CLTCL1: variants seen among roughly 807,000 people sequenced by gnomAD.
CLTCL1 encodes clathrin heavy chain like 1.
CLTCL1 carries 159 observed loss-of-function variants against 190.0 expected under a neutral mutation model. The observed-to-expected ratio is 0.84, with a 90% CI of 0.74 to 0.95. CLTCL1 has a LOEUF of 0.95. CLTCL1 is among the 40% of genes least tolerant of loss of function. The probability of loss-of-function intolerance (pLI) is 0.00; values close to 1 mark genes in which losing one functional copy is unlikely to be tolerated. For missense variants in CLTCL1, 1,878 were observed against 2,033.4 expected (o/e 0.92, Z 1.47); for synonymous variants, 752 against 769.6 (o/e 0.98, Z 0.38).
intron 27 of CLTCL1, among the ~76,000 whole-genome samples, chr22:19,190,931 C>T (rs545510123): frequency 9.4e-4 from 143 of 152,248 alleles, no homozygotes; most frequent in Non-Finnish European, 1.7e-3. Context: ...GTGCCCACCA[C>T]CACGCCCAGC....
intron 26 of CLTCL1, among the ~76,000 whole-genome samples, chr22:19,192,407 T>C (rs1009226270): frequency 2.6e-5 from 4 of 152,154 alleles, no homozygotes; most frequent in African/African-American, 9.7e-5. Context: ...GGCATCGATG[T>C]CCAGGGCCTG....
At position 19,179,818 on chromosome 22, in the gene CLTCL1, A is replaced by T; in HGVS notation, c.*172T>A. 1 of 268,348 alleles carries T rather than the reference A, an allele frequency of 3.7e-6. No homozygotes were observed. The highest frequency in any genetic ancestry group is 4.9e-5 in the Admixed American group (1 of 20,360). The allele number at this position is 268,348 out of a possible 1,614,324, so 16.6% of individuals were successfully genotyped here. ...TTGCGTCCCCTGTGCTGCTGGAGTG[A>T]CATGCTCCTTGGAGAAGTTAGTAAC... On this transcript the variant is annotated 3_prime_UTR_variant, in exon 33 of 33. Coordinates refer to ENST00000427926, the MANE Select transcript of CLTCL1 (RefSeq NM_007098.4).
intron 27 of CLTCL1, 140 bp downstream of exon 27, chr22:19,191,164 T>G: frequency 1.0e-6 from 1 of 955,156 alleles, no homozygotes; most frequent in Non-Finnish European, 1.6e-6. Flanking sequence ...ATCTGAAACC[T>G]AAAACACTTT....
chr22:19,236,638 T>G (rs948353824), intron 5 of CLTCL1, among the ~76,000 whole-genome samples: 1 of 152,106 alleles, frequency 6.6e-6, no homozygotes, highest in African/African-American at 2.4e-5. Context: ...TGAAAGAGAA[T>G]GAATCATATA....
intron 2 of CLTCL1, among the ~76,000 whole-genome samples, chr22:19,255,058 CTT>C (rs1830942376): frequency 6.6e-6 from 1 of 152,136 alleles, no homozygotes; most frequent in African/African-American, 2.4e-5. Context: ...TCTCTGACCA[CTT>C]GTTTTGATAC....
chr22:19,196,246 C>G lies in CLTCL1; in HGVS notation c.4191+20G>C. 6.2e-7 allele frequency: 1 copy of G among 1,607,884 alleles called. No individual in the cohort carries two copies. The highest frequency in any genetic ancestry group is 1.1e-5 in the South Asian group (1 of 90,788). On this transcript the variant is annotated intron_variant, in intron 26 of 32. Transcript: ENST00000427926. Reference sequence around the variant, plus strand: ...CCTGGCAGAGGCTGGCAGGAGCCAGCGCTCTGTATCCCCTCTTACCTTGGT... The same window carrying G: ...CCTGGCAGAGGCTGGCAGGAGCCAGGGCTCTGTATCCCCTCTTACCTTGGT...
At chr22:19,252,987 T>C (rs1034672967) in intron 3 of CLTCL1, among the ~76,000 whole-genome samples, 6 of 147,418 alleles carry the variant, frequency 4.1e-5, no homozygotes, top group Non-Finnish European at 3.0e-5. Flanking sequence ...GCACTCCAGC[T>C]TGGGTGACAG....
chr22:19,243,866 T>G (rs2086337879), intron 3 of CLTCL1, among the ~76,000 whole-genome samples: 1 of 151,602 alleles, frequency 6.6e-6, no homozygotes, highest in African/African-American at 2.4e-5. Context: ...CCTGGCTAAT[T>G]TTTTGTATTT....
In CLTCL1 at chr22:19,223,938, G is replaced by A. The variant is rs782233393; in HGVS notation, c.2245C>T (p.Arg749Ter). The A allele has an allele frequency of 1.4e-5, 22 of 1,613,756 alleles. No homozygotes were observed. Among genetic ancestry groups the A allele is most frequent in the East Asian group, 2.2e-5 (1 of 44,882 alleles). ...TCTGGGTTGTAGCAGCTGCTCTCTC[G>A]GCATATCCTCTCCACCTCCTTGATC... ...GQIKEVERIC[R>*]ESSCYNPERV... Residue 749 changes from arginine to a stop codon, truncating the protein, a stop_gained, in exon 14 of 33, where the codon CGA becomes TGA. Transcript: ENST00000427926. LOFTEE classifies it high-confidence loss of function.
At chr22:19,195,994 G>C (rs2084689062) in intron 26 of CLTCL1, among the ~76,000 whole-genome samples, 1 of 152,226 alleles carries the variant, frequency 6.6e-6, no homozygotes, top group Non-Finnish European at 1.5e-5. Context: ...GGGCAGGCAG[G>C]GCCACAGGGC....
chr22:19,226,249 A>T lies in CLTCL1; in HGVS notation c.1917T>A (p.Ala639=), dbSNP rs781957930. The T allele has an allele frequency of 6.2e-7, 1 of 1,613,978 alleles. No individual in the cohort carries two copies. Among genetic ancestry groups the T allele is most frequent in the Non-Finnish European group, 8.5e-7 (1 of 1,179,856 alleles). The change falls in exon 12 of 33, where the codon GCT becomes GCA. Residue 639 remains alanine (A), a synonymous_variant. Transcript: ENST00000427926. ...HYTDLYDIKR[A]VVHTHLLNPE... ...GATTGAGGAGGTGAGTGTGGACCAC[A>T]GCCCTCTTGATGTCATAGAGGTCGG...
intron 4 of CLTCL1, among the ~76,000 whole-genome samples, chr22:19,241,388 G>A (rs2086249387): frequency 6.6e-6 from 1 of 152,196 alleles, no homozygotes; most frequent in Non-Finnish European, 1.5e-5. Flanking sequence ...CAAGCTCTTT[G>A]AGCCACATAA....
chr22:19,237,026 G>A (rs1275349240), intron 5 of CLTCL1, among the ~76,000 whole-genome samples: 1 of 152,104 alleles, frequency 6.6e-6, no homozygotes, highest in Non-Finnish European at 1.5e-5. Context: ...ATCATCTTCA[G>A]GTGCAGAATT....
intron 2 of CLTCL1, among the ~76,000 whole-genome samples, chr22:19,268,384 A>C (rs1555978886): frequency 6.6e-6 from 1 of 152,198 alleles, no homozygotes; most frequent in African/African-American, 2.4e-5. Context: ...ACAGACTAAG[A>C]CAAGATGTCA....
At chr22:19,282,542 G>A (rs1438186971) in intron 1 of CLTCL1, among the ~76,000 whole-genome samples, 1 of 149,004 alleles carries the variant, frequency 6.7e-6, no homozygotes, top group East Asian at 2.0e-4. Context: ...GGAGGCCGAG[G>A]CAGGAGAACC....
chr22:19,187,551 CA>C lies in CLTCL1; in HGVS notation c.4605+6del. 1 of 1,602,178 alleles carries C rather than the reference CA, an allele frequency of 6.2e-7. No individual in the cohort carries two copies. The highest frequency in any genetic ancestry group is 1.1e-5 in the South Asian group (1 of 90,872). On this transcript the variant is annotated splice_donor_region_variant and intron_variant, in intron 29 of 32. Coordinates refer to ENST00000427926, the MANE Select transcript of CLTCL1 (RefSeq NM_007098.4). ...AAGGTGGGAGGAAACGGGCCCAGGCCACCAACCTTGTAGAGATGATCCTTCT... is the reference window on the plus strand; with the variant it reads ...AAGGTGGGAGGAAACGGGCCCAGGCCCCAACCTTGTAGAGATGATCCTTCT...
At chr22:19,260,636 G>A (rs570675197) in intron 2 of CLTCL1, among the ~76,000 whole-genome samples, 6 of 151,938 alleles carry the variant, frequency 3.9e-5, no homozygotes, top group Admixed American at 6.6e-5. Flanking sequence ...AAAATTAGCC[G>A]GGCATGGTGG....
rs117924741 is a variant in CLTCL1 at position 19,202,866 on chromosome 22, A to G, written c.3601-1373T>C. ...ACAGTGTCCGTGGAATGTCCTTCCT[A>G]TGCCACCAAGGCCTGCTCCATGGAT... On this transcript the variant is annotated intron_variant, in intron 22 of 32. Coordinates refer to ENST00000427926, the MANE Select transcript of CLTCL1 (RefSeq NM_007098.4). 7.2e-3 allele frequency among the ~76,000 whole-genome samples: 1,097 copies of G among 152,290 alleles called. 16 individuals are homozygous for G. The highest frequency in any genetic ancestry group is 0.05 in the South Asian group (240 of 4,818).
At chr22:19,183,253 T>C (rs1235589975) in intron 30 of CLTCL1, 137 bp downstream of exon 30, 1 of 704,218 alleles carries the variant, frequency 1.4e-6, no homozygotes, top group Non-Finnish European at 2.4e-6. Context: ...CAGCCACTCC[T>C]GAAGGCAGCC....
Sources: gnomAD v4.1 joint callset for allele counts (sites outside exome capture counted in the v4.1 genomes callset) on GRCh38, gnomAD v4.1.1 for gene constraint, MANE v1.5 for transcripts, NCBI Gene and HGNC (gene_info 2026-07-23, HGNC 2026-07-21) for gene names.